GATM: variants seen among roughly 807,000 people sequenced by gnomAD.
GATM encodes the protein glycine amidinotransferase.
GATM carries 23 observed loss-of-function variants against 54.2 expected under a neutral mutation model. The observed-to-expected ratio is 0.42, with a 90% confidence interval of 0.31 to 0.60. GATM has a LOEUF of 0.60. GATM is among the 20% of genes least tolerant of loss of function. The pLI is 0.14. For missense variants in GATM, 401 were observed against 544.9 expected (o/e 0.74, Z 2.63); for synonymous variants, 168 against 183.1 (o/e 0.92, Z 0.67).
At chr15:45,367,995 A>C in intron 4 of GATM, 75 bp downstream of exon 4, 1 of 1,302,812 alleles carries the variant, frequency 7.7e-7, no homozygotes, top group Non-Finnish European at 1.1e-6. Flanking sequence ...ACAAGGTATC[A>C]GAGAATCTCT....
rs1000115871 is a variant in GATM at position 45,368,565 on chromosome 15, T to C, written c.485-305A>G. Among the ~76,000 whole-genome samples the C allele has an allele frequency of 1.3e-5, 2 of 151,720 alleles. No individual in the cohort carries two copies. Among genetic ancestry groups the C allele is most frequent in the African/African-American group, 2.4e-5 (1 of 41,290 alleles). On this transcript the variant is annotated intron_variant, in intron 3 of 8. Transcript: ENST00000396659. This position sits in a 1 kb window ranked among gnomAD's most constrained non-coding sequence, Gnocchi z 5.1. ...AGGCAAAGGCTGCAGTGAGCCGAGA[T>C]TGTGCCACCACACTCCAGCCTGGGC... is the stretch of plus-strand genomic sequence containing the variant.
Position 45,378,370 on chromosome 15 carries a change from C to G in GATM, c.69+15G>C. On this transcript the variant is annotated intron_variant, in intron 1 of 8. Coordinates refer to ENST00000396659, the MANE Select transcript of GATM (RefSeq NM_001482.3). Reference sequence around the variant, plus strand: ...GAGTCACGCGGCCGCCAGACGAGGCCGGTGGCGCACGCACCCGAGATCCGA... The same window carrying G: ...GAGTCACGCGGCCGCCAGACGAGGCGGGTGGCGCACGCACCCGAGATCCGA... 6.6e-7 allele frequency: 1 copy of G among 1,514,082 alleles called. No homozygotes were observed. The highest frequency in any genetic ancestry group is 1.4e-5 in the African/African-American group (1 of 70,706). 93.8% of individuals were successfully genotyped at this position (1,514,082 alleles called of 1,614,324 possible).
chr15:45,383,838 G>A (rs927890563), intron 3 of GATM, among the ~76,000 whole-genome samples: 7 of 151,952 alleles, frequency 4.6e-5, no homozygotes, highest in Non-Finnish European at 8.8e-5. Flanking sequence ...CACCATGCCC[G>A]GCCAGCTTCA....
intron 8 of GATM, 41 bp downstream of exon 8, chr15:45,363,859 C>T (rs772897539): frequency 3.7e-5 from 44 of 1,174,502 alleles, no homozygotes; most frequent in East Asian, 2.3e-5. Flanking sequence ...TCTCATTTAA[C>T]GTTTTCATGT....
chr15:45,402,196 C>T (rs1890029306), exon 1 of GATM: 1 of 564,512 alleles, frequency 1.8e-6, no homozygotes. Context: ...CTCGGGAAAG[C>T]TCTGGGTTAG....
upstream of GATM, among the ~76,000 whole-genome samples, chr15:45,382,842 A>G (rs1391617791): frequency 6.6e-6 from 1 of 152,172 alleles, no homozygotes; most frequent in Non-Finnish European, 1.5e-5. Context: ...CTTATCCCTC[A>G]GAGTGTGGTG....
intron 3 of GATM, among the ~76,000 whole-genome samples, chr15:45,385,784 T>C (rs2066981235): frequency 6.6e-6 from 1 of 152,202 alleles, no homozygotes; most frequent in African/African-American, 2.4e-5. Context: ...AGACTTGGAA[T>C]TGCAGTTGAC....
upstream of GATM, chr15:45,378,645 A>G (rs1889690212): frequency 6.6e-6 from 3 of 452,586 alleles, no homozygotes; most frequent in East Asian, 4.0e-5. Flanking sequence ...GGGCCGGCGT[A>G]GCGCCCCGAA....
At position 45,378,380 on chromosome 15, in the gene GATM, C is replaced by T; in HGVS notation, c.69+5G>A. On this transcript the variant is annotated splice_donor_5th_base_variant and intron_variant, in intron 1 of 8. Coordinates refer to ENST00000396659, the MANE Select transcript of GATM (RefSeq NM_001482.3). ...GCCGCCAGACGAGGCCGGTGGCGCA[C>T]GCACCCGAGATCCGATGTAGTGCAC... The T allele has an allele frequency of 6.6e-7, 1 of 1,517,838 alleles. No individual in the cohort carries two copies. The highest frequency in any genetic ancestry group is 8.8e-7 in the Non-Finnish European group (1 of 1,138,920). The allele number at this position is 1,517,838 out of a possible 1,614,324, so 94.0% of individuals were successfully genotyped here.
exon 1 of GATM, chr15:45,402,151 T>A: frequency 2.0e-6 from 1 of 489,158 alleles, no homozygotes; most frequent in Non-Finnish European, 3.6e-6. Flanking sequence ...GAAGTGAGCT[T>A]AAGCCGCCTC....
At chr15:45,383,789 G>A (rs983271345) in intron 3 of GATM, among the ~76,000 whole-genome samples, 2 of 151,976 alleles carry the variant, frequency 1.3e-5, no homozygotes, top group Non-Finnish European at 2.9e-5. Context: ...CAATCTGCCC[G>A]CCTCAGCCTC....
intron 3 of GATM, among the ~76,000 whole-genome samples, chr15:45,390,495 C>G (rs938575575): frequency 6.6e-6 from 1 of 152,136 alleles, no homozygotes; most frequent in Non-Finnish European, 1.5e-5. Flanking sequence ...AGGAGGTATC[C>G]AGATCACATC....
chr15:45,378,311 G>A, intron 1 of GATM, 74 bp downstream of exon 1: 7 of 1,201,692 alleles, frequency 5.8e-6, no homozygotes, highest in Non-Finnish European at 8.1e-6. Flanking sequence ...GGCAGGGAGC[G>A]AGCGAGTGCT....
chr15:45,362,581 T>C (rs1889381831), intron 8 of GATM, among the ~76,000 whole-genome samples: 1 of 152,240 alleles, frequency 6.6e-6, no homozygotes, highest in African/African-American at 2.4e-5. Flanking sequence ...ACCATGTTAA[T>C]TTAGTAGGCA....
intron 7 of GATM, 139 bp downstream of exon 7, chr15:45,364,658 A>T (rs1186930207): frequency 1.3e-6 from 1 of 751,772 alleles, no homozygotes; most frequent in East Asian, 2.7e-5. Context: ...TGATGCTCAC[A>T]GTCCCAAGCA....
chr15:45,381,580 G>A (rs1889741651), upstream of GATM, among the ~76,000 whole-genome samples: 1 of 152,210 alleles, frequency 6.6e-6, no homozygotes, highest in Non-Finnish European at 1.5e-5. Flanking sequence ...TTCAGAATCT[G>A]TACATAGGGC....
intron 1 of GATM, among the ~76,000 whole-genome samples, chr15:45,401,042 T>C (rs1889996790): frequency 6.6e-6 from 1 of 152,078 alleles, no homozygotes. Context: ...CCAATGGGAT[T>C]AAGAGGAAAA....
intron 2 of GATM, among the ~76,000 whole-genome samples, chr15:45,398,447 C>T (rs1008843515): frequency 4.6e-4 from 70 of 152,176 alleles, no homozygotes; most frequent in African/African-American, 1.7e-3. Flanking sequence ...CATCCTCCTT[C>T]TTCTGATTCT....
upstream of GATM, among the ~76,000 whole-genome samples, chr15:45,382,548 G>A (rs1025760921): frequency 1.5e-4 from 23 of 151,892 alleles, no homozygotes; most frequent in African/African-American, 5.3e-4. Context: ...TGTAATCCCA[G>A]CTACTCGGGA....
Sources: gnomAD v4.1 joint callset for allele counts (sites outside exome capture counted in the v4.1 genomes callset) on GRCh38, gnomAD v4.1.1 for gene constraint, Gnocchi (gnomAD v3.1) non-coding constraint, MANE v1.5 for transcripts, NCBI Gene and HGNC (gene_info 2026-07-23, HGNC 2026-07-21) for gene names.